Variants in CD82 observed in about 807,000 individuals in gnomAD.
CD82 encodes CD82 antigen.
CD82 carries 36 observed loss-of-function variants against 37.4 expected under a neutral mutation model. The observed-to-expected ratio is 0.96, with a 90% CI of 0.74 to 1.27. The LOEUF (loss-of-function observed/expected upper bound fraction) is 1.27, where lower values mean the gene tolerates loss of function less well. Ranked by LOEUF, CD82 falls within the 50% of genes most tolerant of loss-of-function variation. The probability of loss-of-function intolerance (pLI) is 0.00; values close to 1 mark genes in which losing one functional copy is unlikely to be tolerated. For missense variants in CD82, 340 were observed against 347.0 expected, an observed-to-expected ratio of 0.98 and a Z score of 0.16; for synonymous variants, 158 against 137.4, an observed-to-expected ratio of 1.15 and a Z score of -1.05.
intron 1 of CD82, among the ~76,000 whole-genome samples, chr11:44,584,707 T>G (rs539888688): frequency 2.0e-5 from 3 of 151,874 alleles, no homozygotes; most frequent in East Asian, 3.9e-4. Flanking sequence ...ATATCAACAA[T>G]AAGAGTAAGA....
upstream of CD82, among the ~76,000 whole-genome samples, chr11:44,565,020 T>C (rs1302634846): frequency 6.6e-6 from 1 of 152,230 alleles, no homozygotes. Flanking sequence ...TTCAAAAAGT[T>C]CCTGGGCCCA....
At chr11:44,587,106 T>A in intron 1 of CD82, 1 of 286,534 alleles carries the variant, frequency 3.5e-6, no homozygotes, top group Non-Finnish European at 7.0e-6. Context: ...ATGGCCTATG[T>A]TGATTGTAAT....
At chr11:44,611,073 G>A (rs890820162) in intron 6 of CD82, among the ~76,000 whole-genome samples, 1 of 152,182 alleles carries the variant, frequency 6.6e-6, no homozygotes, top group African/African-American at 2.4e-5. Context: ...GACCTCAAGT[G>A]ATCTGCCCAT....
chr11:44,574,144 T>C (rs560235767), intron 1 of CD82, among the ~76,000 whole-genome samples: 201 of 152,258 alleles, frequency 1.3e-3, no homozygotes, highest in African/African-American at 4.7e-3. Context: ...CCAGACTATC[T>C]GAACCCAGCC....
chr11:44,576,745 C>CA (rs1349655391), intron 1 of CD82, among the ~76,000 whole-genome samples: 1 of 152,230 alleles, frequency 6.6e-6, no homozygotes, highest in Non-Finnish European at 1.5e-5. Flanking sequence ...CAGCTCTTGG[C>CA]AGTGGACATT....
intron 1 of CD82, among the ~76,000 whole-genome samples, chr11:44,578,741 G>A (rs1306036551): frequency 6.6e-6 from 1 of 152,194 alleles, no homozygotes; most frequent in Non-Finnish European, 1.5e-5. Context: ...GGAGAGGCCG[G>A]CGGATGGCTA....
Position 44,620,042 on chromosome 11 carries a change from T to C in CD82, c.*916T>C, listed in dbSNP as rs1478107024. 1 of 152,484 alleles carries C rather than the reference T, an allele frequency of 6.6e-6. No individual in the cohort carries two copies. The highest frequency in any genetic ancestry group is 1.5e-5 in the Non-Finnish European group (1 of 68,408). 9.4% of individuals were successfully genotyped at this position (152,484 alleles called of 1,614,324 possible). Reference sequence around the variant, plus strand: ...CCCTAGGGACACGGCCTAGGGGAGCTGGGCTGGAGGGGGTCTGCCTGGGTA... The same window carrying C: ...CCCTAGGGACACGGCCTAGGGGAGCCGGGCTGGAGGGGGTCTGCCTGGGTA... On this transcript the variant is annotated 3_prime_UTR_variant, in exon 10 of 10. Coordinates refer to ENST00000227155, the MANE Select transcript of CD82 (RefSeq NM_002231.4).
At chr11:44,599,009 C>T (rs1458243922) in intron 3 of CD82, among the ~76,000 whole-genome samples, 1 of 152,238 alleles carries the variant, frequency 6.6e-6, no homozygotes, top group Non-Finnish European at 1.5e-5. Context: ...CAGGCACTTC[C>T]CCAGCCTTTG....
At chr11:44,589,864 C>T (rs573900376) in intron 2 of CD82, among the ~76,000 whole-genome samples, 6 of 151,648 alleles carry the variant, frequency 4.0e-5, no homozygotes, top group African/African-American at 1.2e-4. Context: ...GACGGGGTCT[C>T]GCTCTGTCGC....
Position 44,605,404 on chromosome 11 carries a change from C to T in CD82, c.311C>T (p.Ala104Val). ...CTCATTGCCCAGGTGACGGCCGGGG[C>T]CCTCTTCTACTTCAACATGGGCAAG... ...LILIAQVTAG[A>V]LFYFNMGKLK... The change falls in exon 6 of 10, where the codon GCC becomes GTC. Residue 104 changes from alanine to valine, a missense_variant. Coordinates refer to ENST00000227155, the MANE Select transcript of CD82 (RefSeq NM_002231.4). 6.2e-7 allele frequency: 1 copy of T among 1,614,182 alleles called. No homozygotes were observed. The highest frequency in any genetic ancestry group is 8.5e-7 in the Non-Finnish European group (1 of 1,180,014).
rs920757031 is a variant in CD82, at chr11:44,618,798, G to A, written c.726+75G>A. On this transcript the variant is annotated intron_variant, in intron 9 of 9. Coordinates refer to ENST00000227155, the MANE Select transcript of CD82 (RefSeq NM_002231.4). ...GTCTCTGTTCTGCTGATCTCCTTGGGGAGGTGGTGGCCAAGGGGGCCAGCA... is the reference window on the plus strand; with the variant it reads ...GTCTCTGTTCTGCTGATCTCCTTGGAGAGGTGGTGGCCAAGGGGGCCAGCA... 1.5e-5 allele frequency: 20 copies of A among 1,329,860 alleles called. No individual in the cohort carries two copies. In the African/African-American group the frequency reaches 2.6e-4, roughly 17 times the overall value. 82.4% of individuals were successfully genotyped at this position (1,329,860 alleles called of 1,614,324 possible).
chr11:44,615,442 C>T, intron 7 of CD82, 69 bp downstream of exon 7: 1 of 940,808 alleles, frequency 1.1e-6, no homozygotes, highest in South Asian at 1.3e-5. Flanking sequence ...TCTGTGCACC[C>T]ACATGTCTGG....
intron 1 of CD82, among the ~76,000 whole-genome samples, chr11:44,583,950 C>A (rs560903079): frequency 6.6e-6 from 1 of 152,308 alleles, no homozygotes; most frequent in Non-Finnish European, 1.5e-5. Flanking sequence ...GATCCTGTGA[C>A]AGGGGACTCT....
At chr11:44,585,700 C>T (rs183714169) in intron 1 of CD82, among the ~76,000 whole-genome samples, 35 of 152,334 alleles carry the variant, frequency 2.3e-4, no homozygotes, top group African/African-American at 7.9e-4. Context: ...TCCAGTACTT[C>T]TTATCCCTCC....
intron 4 of CD82, among the ~76,000 whole-genome samples, chr11:44,604,035 C>T (rs1003610805): frequency 6.6e-6 from 1 of 152,192 alleles, no homozygotes; most frequent in African/African-American, 2.4e-5. Context: ...TGTCTTGGCT[C>T]AAATGTCACT....
Position 44,594,725 on chromosome 11 carries a change from T to C in CD82, c.63T>C (p.Phe21=), listed in dbSNP as rs897859805. The change falls in exon 3 of 10, where the codon TTT becomes TTC. Residue 21 remains phenylalanine (F), a splice_region_variant and synonymous_variant. Transcript: ENST00000227155. ...YFLFLFNLIF[F]ILGAVILGFG... ...TCTTCCTCTTCAACTTGATCTTCTT[T>C]GTAAGTATGTCCCATGCCGTCCTGA... 6.2e-7 allele frequency: 1 copy of C among 1,612,238 alleles called. No homozygotes were observed. Among genetic ancestry groups the C allele is most frequent in the Non-Finnish European group, 8.5e-7 (1 of 1,178,280 alleles).
At chr11:44,581,349 A>G (rs1852976554) in intron 1 of CD82, among the ~76,000 whole-genome samples, 1 of 152,196 alleles carries the variant, frequency 6.6e-6, no homozygotes, top group African/African-American at 2.4e-5. Flanking sequence ...CAGTTGTACA[A>G]TGGGGTGATG....
intron 1 of CD82, among the ~76,000 whole-genome samples, chr11:44,582,134 C>A (rs572546308): frequency 2.6e-4 from 40 of 152,178 alleles, no homozygotes; most frequent in African/African-American, 9.2e-4. Flanking sequence ...CACTGTCCCC[C>A]CTGTGTGACC....
At chr11:44,581,728 C>T (rs984350860) in intron 1 of CD82, among the ~76,000 whole-genome samples, 1 of 152,126 alleles carries the variant, frequency 6.6e-6, no homozygotes, top group East Asian at 1.9e-4. Context: ...TTGGGAGGCC[C>T]CTGGGAGGGC....
Sources: gnomAD v4.1 joint callset for allele counts (sites outside exome capture counted in the v4.1 genomes callset) on GRCh38, gnomAD v4.1.1 for gene constraint, MANE v1.5 for transcripts, NCBI Gene and HGNC (gene_info 2026-07-23, HGNC 2026-07-21) for gene names.